The following DCP1B variants were observed in gnomAD, a reference collection of about 807,000 sequenced individuals.
The protein encoded by DCP1B is mRNA-decapping enzyme 1B.
In DCP1B, 47 loss-of-function variants were observed where a neutral mutation model predicts 60.5. The observed-to-expected ratio is 0.78, with a 90% CI of 0.61 to 0.99. The LOEUF is 0.99. DCP1B is among the 50% of genes least tolerant of loss of function. DCP1B has a pLI of 0.00. For missense variants in DCP1B, 725 were observed against 756.8 expected (o/e 0.96, Z 0.49); for synonymous variants, 267 against 280.3 (o/e 0.95, Z 0.47).
intron 1 of DCP1B, among the ~76,000 whole-genome samples, chr12:2,000,146 A>G (rs1251509846): frequency 6.6e-6 from 1 of 152,224 alleles, no homozygotes; most frequent in Non-Finnish European, 1.5e-5. Context: ...CTAAAGTTTA[A>G]CTGATTCAGT....
intron 3 of DCP1B, among the ~76,000 whole-genome samples, chr12:1,989,806 T>C (rs1488359748): frequency 1.3e-5 from 2 of 152,272 alleles, no homozygotes; most frequent in African/African-American, 4.8e-5. Context: ...CATATGCTAA[T>C]ATCTTATTTA....
chr12:1,989,577 G>C (rs2038814219), intron 3 of DCP1B, among the ~76,000 whole-genome samples: 1 of 152,096 alleles, frequency 6.6e-6, no homozygotes, highest in South Asian at 2.1e-4. Context: ...AGCCAGGCAT[G>C]GTGCCATACA....
chr12:1,949,040 C>G (rs1207591563), intron 8 of DCP1B, 46 bp downstream of exon 8: 1 of 1,587,628 alleles, frequency 6.3e-7, no homozygotes, highest in Non-Finnish European at 8.6e-7. Context: ...AGCCAGGAGG[C>G]CAACAGGCGT....
intron 7 of DCP1B, among the ~76,000 whole-genome samples, chr12:1,951,752 A>T (rs1003933290): frequency 6.6e-6 from 1 of 152,234 alleles, no homozygotes; most frequent in African/African-American, 2.4e-5. Flanking sequence ...ATGTACCCAC[A>T]TGTAGACAAT....
intron 3 of DCP1B, chr12:1,991,167 G>C (rs772603171): frequency 6.8e-5 from 31 of 456,196 alleles, no homozygotes; most frequent in South Asian, 4.8e-4. Context: ...CAGGTGGTGT[G>C]GAAAAAGCAA....
rs1446643659 is a variant in DCP1B, at chr12:1,946,624, G to A, written c.1774-338C>T. 2.0e-5 allele frequency among the ~76,000 whole-genome samples: 3 copies of A among 152,216 alleles called. No individual in the cohort carries two copies. In the East Asian group the frequency reaches 5.8e-4, roughly 29 times the overall value. On this transcript the variant is annotated intron_variant, in intron 8 of 8. Coordinates refer to ENST00000280665, the MANE Select transcript of DCP1B (RefSeq NM_152640.5). ...AAGACATGAAGCCCCAGCAGACAGAGGAGTTAGGAGGACATGATCCAAGTC... is the reference window on the plus strand; with the variant it reads ...AAGACATGAAGCCCCAGCAGACAGAAGAGTTAGGAGGACATGATCCAAGTC...
chr12:1,993,077 C>T (rs776920315), intron 3 of DCP1B, 187 bp downstream of exon 3: 1 of 807,184 alleles, frequency 1.2e-6, no homozygotes, highest in Admixed American at 1.9e-5. Context: ...TTCACTTAAA[C>T]TCTTCCAAGG....
Position 1,946,305 on chromosome 12 carries a change from G to C in DCP1B, c.1774-19C>G, listed in dbSNP as rs558995778. Reference sequence around the variant, plus strand: ...CATCATTCTGGAAAACAAATCGAAAGACCCAAGAGAATGTTACTTGGTTGG... The same window carrying C: ...CATCATTCTGGAAAACAAATCGAAACACCCAAGAGAATGTTACTTGGTTGG... On this transcript the variant is annotated intron_variant, in intron 8 of 8. Coordinates refer to ENST00000280665, the MANE Select transcript of DCP1B (RefSeq NM_152640.5). The C allele has an allele frequency of 2.5e-6, 4 of 1,581,390 alleles. No homozygotes were observed. The South Asian group carries it at 4.7e-5, about 19-fold the overall frequency.
At position 1,971,073 on chromosome 12, in the gene DCP1B, C is replaced by A. The variant is rs2032055232; in HGVS notation, c.320-3163G>T. 1.1e-5 allele frequency: 14 copies of A among 1,288,488 alleles called. No individual in the cohort carries two copies. Among genetic ancestry groups the A allele is most frequent in the Non-Finnish European group, 1.4e-5 (14 of 988,154 alleles). 79.8% of individuals were successfully genotyped at this position (1,288,488 alleles called of 1,614,324 possible). On this transcript the variant is annotated intron_variant, in intron 3 of 8. Coordinates refer to ENST00000280665, the MANE Select transcript of DCP1B (RefSeq NM_152640.5). The surrounding 1 kb of genome is among the most constrained non-coding windows in gnomAD (Gnocchi z 4.2). ...ATCTGGAAATTCACAATGCTTCGAG[C>A]CTTTGTTCAGCCTGGTACGCCTGCA...
In DCP1B at chr12:1,953,041, C is replaced by T. The variant is rs1203059153; in HGVS notation, c.899G>A (p.Arg300Lys). The change falls in exon 7 of 9, where the codon AGG becomes AAG. Residue 300 changes from arginine to lysine, a missense_variant. Physicochemically the swap from Arg to Lys is conservative, Grantham distance 26. Coordinates refer to ENST00000280665, the MANE Select transcript of DCP1B (RefSeq NM_152640.5). ...TGACAATGGGTGGAGGTCTGCGCTC[C>T]TGACCATGAGTTTCTGAATGGCTGG... ...LCPAIQKLMVRSADLHPLSEL... is the reference protein window; with the variant it reads ...LCPAIQKLMVKSADLHPLSEL... 8 of 1,614,056 alleles carry T rather than the reference C, an allele frequency of 5.0e-6. No individual in the cohort carries two copies. Among genetic ancestry groups the T allele is most frequent in the Non-Finnish European group, 6.8e-6 (8 of 1,180,038 alleles).
At chr12:1,955,409 A>G (rs11062033) in intron 6 of DCP1B, 23 bp downstream of exon 6, 59,227 of 1,600,278 alleles carry the variant, frequency 0.037, 1,410 homozygotes, top group African/African-American at 0.081. Context: ...CACACTGAAT[A>G]TGACAAGCAG....
At chr12:1,986,018 T>A (rs2037624488) in intron 3 of DCP1B, among the ~76,000 whole-genome samples, 1 of 152,190 alleles carries the variant, frequency 6.6e-6, no homozygotes, top group South Asian at 2.1e-4. Flanking sequence ...TTTCACCGTG[T>A]TAGCCAGGAT....
chr12:1,983,359 T>C (rs1404900975), intron 3 of DCP1B, among the ~76,000 whole-genome samples: 1 of 152,060 alleles, frequency 6.6e-6, no homozygotes, highest in Non-Finnish European at 1.5e-5. Flanking sequence ...TTTCTTCTTT[T>C]CCAATACAAG....
intron 3 of DCP1B, among the ~76,000 whole-genome samples, chr12:1,984,566 C>CTCCTT (rs2037097784): frequency 1.3e-5 from 2 of 151,936 alleles, no homozygotes; most frequent in South Asian, 4.2e-4. Flanking sequence ...TACACTGAAC[C>CTCCTT]TCCTTCCTGA....
At chr12:1,999,020 T>G (rs2041572147) in intron 1 of DCP1B, among the ~76,000 whole-genome samples, 2 of 152,242 alleles carry the variant, frequency 1.3e-5, no homozygotes, top group Non-Finnish European at 2.9e-5. Context: ...TCAGGCAATT[T>G]CAGCAAATTT....
chr12:2,000,766 G>A (rs2042002613), intron 1 of DCP1B, among the ~76,000 whole-genome samples: 1 of 152,228 alleles, frequency 6.6e-6, no homozygotes, highest in African/African-American at 2.4e-5. Context: ...GCCGGGCACA[G>A]GGGCTCACGC....
At chr12:1,981,557 G>A (rs2036137173) in intron 3 of DCP1B, among the ~76,000 whole-genome samples, 1 of 152,172 alleles carries the variant, frequency 6.6e-6, no homozygotes, top group Admixed American at 6.5e-5. Flanking sequence ...GATTTAGCAT[G>A]TTATTTTGAA....
intron 3 of DCP1B, among the ~76,000 whole-genome samples, chr12:1,977,549 C>T (rs962742408): frequency 2.6e-5 from 4 of 152,184 alleles, no homozygotes; most frequent in African/African-American, 9.7e-5. Context: ...GTACACTGTA[C>T]ATGTCTATTT....
rs181242827 is a variant in DCP1B at position 1,986,839 on chromosome 12, C to G, written c.319+6425G>C. Among the ~76,000 whole-genome samples, 3 of 152,280 alleles carry G rather than the reference C, an allele frequency of 2.0e-5. No individual in the cohort carries two copies. The East Asian group carries it at 5.8e-4, about 29-fold the overall frequency. On this transcript the variant is annotated intron_variant, in intron 3 of 8. Coordinates refer to ENST00000280665, the MANE Select transcript of DCP1B (RefSeq NM_152640.5). Reference sequence around the variant, plus strand: ...TACTTTCAGAGGCCCCAGTTAGTTGCTTTTGTAATCTGCCCAGAACTTTTA... The same window carrying G: ...TACTTTCAGAGGCCCCAGTTAGTTGGTTTTGTAATCTGCCCAGAACTTTTA...
Sources: allele counts gnomAD v4.1 joint callset (sites outside exome capture counted in the v4.1 genomes callset), GRCh38; gene constraint gnomAD v4.1.1; non-coding constraint Gnocchi (gnomAD v3.1); transcripts MANE v1.5; gene names NCBI Gene and HGNC (gene_info 2026-07-23, HGNC 2026-07-21).